The following CIMIP7 variants were observed in gnomAD, a reference collection of about 807,000 sequenced individuals.
CIMIP7 encodes the protein uncharacterized protein C3orf84.
chr3:49,191,800 A>G, the CIMIP7 span: 1 of 1,542,358 alleles, frequency 6.5e-7, no homozygotes, highest in Non-Finnish European at 8.7e-7. Context: ...GAAAAGGCAA[A>G]CTTTCCTCTT....
chr3:49,180,339 T>C, the CIMIP7 span, among the ~76,000 whole-genome samples: 1 of 152,194 alleles, frequency 6.6e-6, no homozygotes, highest in Non-Finnish European at 1.5e-5. Context: ...CTAGAGAGCC[T>C]TGCTCCACTC....
chr3:49,186,920 G>A, the CIMIP7 span, among the ~76,000 whole-genome samples: 1 of 152,158 alleles, frequency 6.6e-6, no homozygotes, highest in African/African-American at 2.4e-5. Context: ...AACTGCTTAT[G>A]AATTGATAAT....
At chr3:49,179,832 A>C in the CIMIP7 span, among the ~76,000 whole-genome samples, 1 of 152,224 alleles carries the variant, frequency 6.6e-6, no homozygotes, top group African/African-American at 2.4e-5. Context: ...AGCTCAATAA[A>C]TGTTGCTGTT....
At chr3:49,181,271 G>A in the CIMIP7 span, among the ~76,000 whole-genome samples, 1 of 149,380 alleles carries the variant, frequency 6.7e-6, no homozygotes, top group Non-Finnish European at 1.5e-5. Context: ...GAACTTGGGT[G>A]GTGGAGGTTG....
chr3:49,190,171 C>G, the CIMIP7 span: 39 of 1,480,508 alleles, frequency 2.6e-5, no homozygotes, highest in South Asian at 3.8e-4. Flanking sequence ...ATAAAACTCA[C>G]TCAAATCTCC....
chr3:49,177,734 G>C, the CIMIP7 span: 7 of 1,609,718 alleles, frequency 4.3e-6, no homozygotes, highest in South Asian at 2.2e-5. Context: ...ATCCCTGGGA[G>C]GTCAGGCAGT....
chr3:49,177,990 C>T, the CIMIP7 span: 1 of 1,612,692 alleles, frequency 6.2e-7, no homozygotes, highest in South Asian at 1.1e-5. Context: ...GGAAGGTGTG[C>T]CGCTGCCACA....
At chr3:49,177,749 C>T in the CIMIP7 span, 15 of 1,609,274 alleles carry the variant, frequency 9.3e-6, no homozygotes, top group South Asian at 1.6e-4. Context: ...GGCAGTACGT[C>T]AGTGACCGGC....
At chr3:49,178,540 T>G in the CIMIP7 span, 1 of 1,612,820 alleles carries the variant, frequency 6.2e-7, no homozygotes, top group Non-Finnish European at 8.5e-7. Flanking sequence ...CGCCGGCTCC[T>G]TGAAAGACAG....
At chr3:49,179,238 C>T in the CIMIP7 span, among the ~76,000 whole-genome samples, 1 of 152,150 alleles carries the variant, frequency 6.6e-6, no homozygotes, top group Non-Finnish European at 1.5e-5. Context: ...AGGACCAGAC[C>T]ACATCTCAGC....
chr3:49,181,140 G>A, the CIMIP7 span, among the ~76,000 whole-genome samples: 5 of 151,656 alleles, frequency 3.3e-5, no homozygotes, highest in African/African-American at 9.7e-5. Flanking sequence ...CCAGGAATTC[G>A]AGACCAGCCT....
chr3:49,190,033 G>A, the CIMIP7 span: 53 of 1,612,904 alleles, frequency 3.3e-5, no homozygotes, highest in South Asian at 1.8e-4. Flanking sequence ...ACCTGACATC[G>A]CTGCAGGAAC....
the CIMIP7 span, among the ~76,000 whole-genome samples, chr3:49,181,374 C>T: frequency 2.0e-5 from 3 of 149,314 alleles, no homozygotes; most frequent in Admixed American, 6.7e-5. Context: ...AAGCTGAGGC[C>T]GTGCAGTGGC....
At chr3:49,182,892 G>C in the CIMIP7 span, among the ~76,000 whole-genome samples, 17 of 152,112 alleles carry the variant, frequency 1.1e-4, no homozygotes, top group African/African-American at 3.4e-4. Flanking sequence ...TGCCCGGGGC[G>C]GGGGGGCCAG....
chr3:49,181,343 G>GA, the CIMIP7 span, among the ~76,000 whole-genome samples: 143 of 126,638 alleles, frequency 1.1e-3, no homozygotes, highest in Non-Finnish European at 2.0e-3. Context: ...CTATCTCCAA[G>GA]AAAAAAAAAA....
the CIMIP7 span, chr3:49,178,577 G>A: frequency 6.3e-7 from 1 of 1,576,520 alleles, no homozygotes; most frequent in Non-Finnish European, 8.7e-7. Context: ...TGGGGAAAAT[G>A]ATGCTTATTT....
At chr3:49,178,688 G>C in the CIMIP7 span, 1 of 652,824 alleles carries the variant, frequency 1.5e-6, no homozygotes, top group Non-Finnish European at 2.8e-6. Flanking sequence ...ACAGAGGGCA[G>C]AGACTAATTA....
chr3:49,186,761 C>T, the CIMIP7 span, among the ~76,000 whole-genome samples: 4 of 151,924 alleles, frequency 2.6e-5, no homozygotes, highest in Admixed American at 2.6e-4. Flanking sequence ...CACGCACGCA[C>T]GCAGAAGTAA....
the CIMIP7 span, among the ~76,000 whole-genome samples, chr3:49,184,169 T>G: frequency 6.6e-6 from 1 of 152,168 alleles, no homozygotes; most frequent in Non-Finnish European, 1.5e-5. Context: ...GGCTAATTGT[T>G]TAACTTTTTT....
Sources: gnomAD v4.1 joint callset for allele counts (sites outside exome capture counted in the v4.1 genomes callset) on GRCh38, gnomAD v4.1.1 for gene constraint, MANE v1.5 for transcripts, NCBI Gene and HGNC (gene_info 2026-07-23, HGNC 2026-07-21) for gene names.